Variants in KNDC1 observed in about 807,000 individuals in gnomAD.
The protein encoded by KNDC1 is kinase non-catalytic C-lobe domain containing 1, also known as kinase non-catalytic C-lobe domain-containing protein 1.
Under a neutral mutation model 172.8 loss-of-function variants are expected in KNDC1, and 106 were observed. The observed-to-expected ratio is 0.61, with a 90% CI of 0.52 to 0.72. KNDC1 has a LOEUF of 0.72. Ranked by LOEUF, KNDC1 falls within the 30% of genes least tolerant of loss-of-function variation. The pLI is 0.00. For missense variants in KNDC1, 2,325 were observed against 2,394.5 expected (o/e 0.97, Z 0.61); for synonymous variants, 1,083 against 1,062.2 (o/e 1.02, Z -0.38).
rs182547485 is a variant in KNDC1 at position 133,214,746 on chromosome 10, G to A, written c.4677+624G>A. ...AAGGTCAAGGTCAAGCTCCAGCGCC[G>A]GGGCCCAGTCTCAGCCTCTTCTAGG... On this transcript the variant is annotated intron_variant, in intron 26 of 29. Transcript: ENST00000304613. Among the ~76,000 whole-genome samples the A allele has an allele frequency of 1.2e-3, 178 of 152,348 alleles. 1 individual carries two copies. Among genetic ancestry groups the A allele is most frequent in the Admixed American group, 1.8e-3 (28 of 15,304 alleles).
rs775448774 is a variant in KNDC1, at chr10:133,198,678, C to A, written c.2170C>A (p.Pro724Thr). The change falls in exon 14 of 30, where the codon CCC becomes ACC. Residue 724 changes from proline to threonine, a missense_variant. Coordinates refer to ENST00000304613, the MANE Select transcript of KNDC1 (RefSeq NM_152643.8). ...CTCCCTGGAGGCCCACGCTGGGTCC[C>A]CCAGCCTGAAGACGCCTGACGGGCC... ...KLSLEAHAGSPSLKTPDGPVP... is the reference protein window; with the variant it reads ...KLSLEAHAGSTSLKTPDGPVP... 2 of 1,591,198 alleles carry A rather than the reference C, an allele frequency of 1.3e-6. No individual in the cohort carries two copies. The highest frequency in any genetic ancestry group is 4.5e-5 in the East Asian group (2 of 43,986).
chr10:133,178,623 A>G (rs951664324), intron 3 of KNDC1, among the ~76,000 whole-genome samples: 1 of 143,244 alleles, frequency 7.0e-6, no homozygotes, highest in Admixed American at 6.9e-5. Flanking sequence ...CCATCTCCCC[A>G]TGCGATCTGA....
chr10:133,210,973 G>A (rs116403947), intron 21 of KNDC1, among the ~76,000 whole-genome samples: 2,244 of 152,220 alleles, frequency 0.015, 61 homozygotes, highest in African/African-American at 0.051. Context: ...TGGGGGAGTC[G>A]GGGTCTCTTC....
intron 3 of KNDC1, among the ~76,000 whole-genome samples, chr10:133,170,428 G>A (rs972117029): frequency 6.6e-6 from 1 of 152,146 alleles, no homozygotes; most frequent in African/African-American, 2.4e-5. Context: ...CGTGGCAGGG[G>A]CCTGGGGTCT....
chr10:133,223,545 G>A (rs1488712784), intron 29 of KNDC1, among the ~76,000 whole-genome samples: 1 of 72,908 alleles, frequency 1.4e-5, no homozygotes, highest in Non-Finnish European at 2.6e-5. Context: ...TTCCCGGCGT[G>A]TGTGTGCGTG....
Position 133,163,034 on chromosome 10 carries a change from C to CCGG in KNDC1, c.102+2465_102+2466insCGG, listed in dbSNP as rs1853026425. Among the ~76,000 whole-genome samples, 2 of 88,214 alleles carry CCGG rather than the reference C, an allele frequency of 2.3e-5. No individual in the cohort carries two copies. The highest frequency in any genetic ancestry group is 4.6e-5 in the Non-Finnish European group (2 of 43,454). The allele number at this position is 88,214 out of a possible 152,430, so 57.9% of individuals were successfully genotyped here. On this transcript the variant is annotated intron_variant, in intron 1 of 29. Coordinates refer to ENST00000304613, the MANE Select transcript of KNDC1 (RefSeq NM_152643.8). This position sits in a 1 kb window ranked among gnomAD's most constrained non-coding sequence, Gnocchi z 4.4. ...GTGGGGGTGATGCAAGGAGGGCTTC[C>CCGG]TGGAGGTGTCCTGCCCGGGATTCCC... is the stretch of plus-strand genomic sequence containing the variant.
intron 17 of KNDC1, among the ~76,000 whole-genome samples, chr10:133,203,033 AT>A (rs1249533626): frequency 6.6e-6 from 1 of 151,096 alleles, no homozygotes; most frequent in East Asian, 2.0e-4. Context: ...CCCCAAACGC[AT>A]GGCGTCCAGC....
chr10:133,183,195 G>T, intron 3 of KNDC1, 149 bp from the exon 4 acceptor site: 1 of 980,822 alleles, frequency 1.0e-6, no homozygotes, highest in Non-Finnish European at 1.5e-6. Context: ...GGCGGCAAGG[G>T]TGTGGGCAGC....
At chr10:133,166,431 GTGTGGGAATGGGTGTGTGCGGGTGTGCA>G (rs1853155406) in intron 1 of KNDC1, among the ~76,000 whole-genome samples, 1 of 150,510 alleles carries the variant, frequency 6.6e-6, no homozygotes, top group African/African-American at 2.4e-5. Flanking sequence ...TGTGCACCAA[GTGTGGGAATGGGTGTGTGCGGGTGTGCA>G]TGTCTGTGCG....
At chr10:133,200,497 T>C (rs1589761748) in intron 16 of KNDC1, 37 bp downstream of exon 16, 5 of 1,440,174 alleles carry the variant, frequency 3.5e-6, no homozygotes, top group Non-Finnish European at 4.6e-6. Flanking sequence ...GGAGCTCTGC[T>C]GGGCGGCTCC....
rs758502170 is a variant in KNDC1 at position 133,207,217 on chromosome 10, G to A, written c.3660G>A (p.Thr1220=). The part of the protein sequence containing the change: ...IVNIAAAPCD[T]LDFSPLDESS... ...ACATCGCGGCCGCACCCTGCGACAC[G>A]CTGGACTTCAGCCCCCTGGACGAGT... is the stretch of plus-strand genomic sequence containing the variant. Residue 1220 remains threonine, a synonymous_variant, in exon 20 of 30, where the codon ACG becomes ACA. Coordinates refer to ENST00000304613, the MANE Select transcript of KNDC1 (RefSeq NM_152643.8). 16 of 1,612,336 alleles carry A rather than the reference G, an allele frequency of 9.9e-6. No homozygotes were observed. Among genetic ancestry groups the A allele is most frequent in the African/African-American group, 8.0e-5 (6 of 74,944 alleles).
At chr10:133,197,839 C>A in intron 12 of KNDC1, 71 bp downstream of exon 12, 1 of 1,174,078 alleles carries the variant, frequency 8.5e-7, no homozygotes, top group Non-Finnish European at 1.3e-6. Flanking sequence ...CCCACCTCTG[C>A]ATGGACAGAC....
intron 9 of KNDC1, among the ~76,000 whole-genome samples, chr10:133,193,502 G>A (rs924045596): frequency 6.6e-6 from 1 of 152,080 alleles, no homozygotes; most frequent in Non-Finnish European, 1.5e-5. Context: ...TCCAGCCAGG[G>A]CGACAAGAGC....
At chr10:133,161,743 G>A (rs1388899393) in intron 1 of KNDC1, among the ~76,000 whole-genome samples, 1 of 152,140 alleles carries the variant, frequency 6.6e-6, no homozygotes, top group Non-Finnish European at 1.5e-5. Flanking sequence ...GACCGAGAGG[G>A]AGGGGCAGCC....
At chr10:133,202,034 C>A (rs78296891) in intron 17 of KNDC1, 136 bp downstream of exon 17, 1 of 1,031,002 alleles carries the variant, frequency 9.7e-7, no homozygotes, top group Non-Finnish European at 1.5e-6. Context: ...GGTGCCCCCA[C>A]CCCGTGGCTG....
intron 3 of KNDC1, 23 bp from the exon 4 acceptor site, chr10:133,183,321 C>T (rs1853780022): frequency 6.3e-7 from 1 of 1,574,910 alleles, no homozygotes. Context: ...GACTCTGGAG[C>T]TGACAGCCTG....
At chr10:133,213,524 A>C in intron 24 of KNDC1, 121 bp from the exon 25 acceptor site, 1 of 787,590 alleles carries the variant, frequency 1.3e-6, no homozygotes, top group Non-Finnish European at 2.1e-6. Flanking sequence ...TTAGATGGGT[A>C]TTGAACCTGG....
Position 133,186,077 on chromosome 10 carries a change from C to A in KNDC1, c.729C>A (p.Pro243=), listed in dbSNP as rs569695794. 1.3e-6 allele frequency: 2 copies of A among 1,598,634 alleles called. No homozygotes were observed. The highest frequency in any genetic ancestry group is 2.3e-5 in the East Asian group (1 of 44,396). The change falls in exon 6 of 30, where the codon CCC becomes CCA. Residue 243 remains proline, a synonymous_variant. Coordinates refer to ENST00000304613, the MANE Select transcript of KNDC1 (RefSeq NM_152643.8). ...PSTDPEVLPT[P]EGPESETSRG... ...CTGACCCGGAGGTTCTGCCGACCCC[C>A]GAAGGCCCGGAGTCTGAGACGAGCC...
Position 133,210,648 on chromosome 10 carries a change from T to C in KNDC1, c.3832T>C (p.Tyr1278His). 1 of 1,613,788 alleles carries C rather than the reference T, an allele frequency of 6.2e-7. No individual in the cohort carries two copies. Among genetic ancestry groups the C allele is most frequent in the Non-Finnish European group, 8.5e-7 (1 of 1,179,840 alleles). Reference sequence around the variant, plus strand: ...GGAGGGTTATGTGCAGCAATTCCTCTACACCTTCCGCTACTTCTGCACACC... The same window carrying C: ...GGAGGGTTATGTGCAGCAATTCCTCCACACCTTCCGCTACTTCTGCACACC... ...FLEGYVQQFL[Y>H]TFRYFCTPHD... The change falls in exon 21 of 30, where the codon TAC (tyrosine) becomes CAC (histidine). Residue 1278 changes from tyrosine to histidine, a missense_variant. Transcript: ENST00000304613.
Sources: gnomAD v4.1 joint callset for allele counts (sites outside exome capture counted in the v4.1 genomes callset) on GRCh38, gnomAD v4.1.1 for gene constraint, Gnocchi (gnomAD v3.1) non-coding constraint, MANE v1.5 for transcripts, NCBI Gene and HGNC (gene_info 2026-07-23, HGNC 2026-07-21) for gene names.